The following FANK1 variants were observed in gnomAD, a reference collection of about 807,000 sequenced individuals.
FANK1 encodes the protein fibronectin type 3 and ankyrin repeat domains protein 1.
Under a neutral mutation model 45.3 loss-of-function variants are expected in FANK1, and 44 were observed. The observed-to-expected ratio is 0.97, with a 90% CI of 0.76 to 1.25. The LOEUF is 1.25. FANK1 is among the 50% of genes most tolerant of loss of function. The pLI is 0.00. For missense variants in FANK1, 391 were observed against 424.4 expected, an observed-to-expected ratio of 0.92 and a Z score of 0.69; for synonymous variants, 149 against 152.5, an observed-to-expected ratio of 0.98 and a Z score of 0.17.
At chr10:125,995,331 C>G in intron 3 of FANK1, 86 bp from the exon 4 acceptor site, 1 of 1,207,296 alleles carries the variant, frequency 8.3e-7, no homozygotes. Flanking sequence ...TGAAGATGAT[C>G]CCCTGAAGGC....
At chr10:125,905,987 C>T (rs1945474927) in intron 1 of FANK1, among the ~76,000 whole-genome samples, 1 of 152,312 alleles carries the variant, frequency 6.6e-6, no homozygotes, top group Admixed American at 6.5e-5. Context: ...TAATCAAATT[C>T]AGTGGAAAAA....
At position 126,009,224 on chromosome 10, in the gene FANK1, C is replaced by A. The variant is rs531535396; in HGVS notation, c.930C>A (p.Phe310Leu). The A allele has an allele frequency of 8.1e-6, 13 of 1,614,138 alleles. No individual in the cohort carries two copies. The highest frequency in any genetic ancestry group is 1.1e-5 in the Non-Finnish European group (13 of 1,180,034). Residue 310 changes from phenylalanine to leucine, a missense_variant and splice_region_variant, in exon 10 of 11, where the codon TTC (phenylalanine) becomes TTA (leucine). Coordinates refer to ENST00000368693, the MANE Select transcript of FANK1 (RefSeq NM_145235.5). The part of the protein sequence containing the change: ...KGADASVKNE[F>L]GKGVLEMARV... ...ATTTTTGTTGTTTCCTGTTTCAGTT[C>A]GGCAAAGGTGTCCTAGAAATGGCCA...
intron 9 of FANK1, 40 bp downstream of exon 9, chr10:126,009,171 G>C: frequency 1.9e-6 from 3 of 1,614,112 alleles, no homozygotes; most frequent in Admixed American, 1.7e-5. Context: ...TTCCTCGGAG[G>C]GGGAGAAAAC....
intron 1 of FANK1, among the ~76,000 whole-genome samples, chr10:125,925,265 T>C (rs540083409): frequency 7.2e-5 from 11 of 152,418 alleles, no homozygotes; most frequent in African/African-American, 2.6e-4. Flanking sequence ...TGGGTGCATA[T>C]GATTCAAAAA....
chr10:125,959,073 G>C (rs1949755810), intron 1 of FANK1, among the ~76,000 whole-genome samples: 1 of 152,240 alleles, frequency 6.6e-6, no homozygotes, highest in South Asian at 2.1e-4. Flanking sequence ...TATTTACAAT[G>C]TTCTTCGAGT....
chr10:125,909,854 G>A (rs1333058394), intron 1 of FANK1, among the ~76,000 whole-genome samples: 1 of 151,328 alleles, frequency 6.6e-6, no homozygotes, highest in African/African-American at 2.4e-5. Flanking sequence ...ACTTTGTTTT[G>A]TTTTCAAATA....
At chr10:126,008,205 G>A (rs1346666496) in intron 7 of FANK1, among the ~76,000 whole-genome samples, 4 of 152,188 alleles carry the variant, frequency 2.6e-5, no homozygotes, top group Non-Finnish European at 4.4e-5. Context: ...TTTAAAGGAT[G>A]TAGATGAAGA....
intron 1 of FANK1, among the ~76,000 whole-genome samples, chr10:125,919,872 TTCACCAAACAGTAGGTGTG>T (rs1946819940): frequency 6.6e-6 from 1 of 152,234 alleles, no homozygotes. Context: ...GATTCCTCGT[TTCACCAAACAGTAGGTGTG>T]TAACCTTCTT....
chr10:125,975,618 G>C (rs560962734), intron 1 of FANK1, among the ~76,000 whole-genome samples: 1 of 152,304 alleles, frequency 6.6e-6, no homozygotes, highest in African/African-American at 2.4e-5. Flanking sequence ...GTCTGTTTAT[G>C]TCTTTTGCTC....
intron 6 of FANK1, among the ~76,000 whole-genome samples, chr10:126,002,525 C>G (rs1235708797): frequency 1.3e-5 from 2 of 152,162 alleles, no homozygotes; most frequent in African/African-American, 4.8e-5. Flanking sequence ...TGAGGACATG[C>G]AGCTGCAGAG....
rs1279000399 is a variant in FANK1 at position 125,904,276 on chromosome 10, C to T, written c.13+7621C>T. On this transcript the variant is annotated intron_variant, in intron 1 of 10. Coordinates refer to ENST00000368693, the MANE Select transcript of FANK1 (RefSeq NM_145235.5). Reference sequence around the variant, plus strand: ...TTGTATACCTACTGTTTGAAAAACACGACTTACCAAACCAAACATAAGAAG... The same window carrying T: ...TTGTATACCTACTGTTTGAAAAACATGACTTACCAAACCAAACATAAGAAG... Among the ~76,000 whole-genome samples the T allele has an allele frequency of 7.4e-5, 4 of 53,908 alleles. No individual in the cohort carries two copies. In the South Asian group the frequency reaches 1.4e-3, roughly 19 times the overall value. The allele number at this position is 53,908 out of a possible 152,430, so 35.4% of individuals were successfully genotyped here.
intron 1 of FANK1, among the ~76,000 whole-genome samples, chr10:125,944,575 T>G (rs1317974477): frequency 6.6e-6 from 1 of 152,172 alleles, no homozygotes; most frequent in Non-Finnish European, 1.5e-5. Flanking sequence ...TGTAACATGT[T>G]CATAATGGCC....
At chr10:125,937,562 C>A (rs2134149442) in intron 1 of FANK1, among the ~76,000 whole-genome samples, 1 of 152,138 alleles carries the variant, frequency 6.6e-6, no homozygotes, top group East Asian at 1.9e-4. Context: ...ATGAAGGAGT[C>A]TGATGGAATA....
In FANK1 at chr10:125,903,805, CCTCT is replaced by C. The variant is rs1200669334; in HGVS notation, c.13+7159_13+7162del. Among the ~76,000 whole-genome samples, 3 of 151,608 alleles carry C rather than the reference CCTCT, an allele frequency of 2.0e-5. No homozygotes were observed. The East Asian group carries it at 5.8e-4, about 29-fold the overall frequency. ...TAGTGTATTACTCCTCTCTAGGCAG[CCTCT>C]CTCTCTCTATATATAAATATATATT... On this transcript the variant is annotated intron_variant, in intron 1 of 10. Coordinates refer to ENST00000368693, the MANE Select transcript of FANK1 (RefSeq NM_145235.5).
intron 4 of FANK1, 132 bp from the exon 5 acceptor site, chr10:125,996,418 A>G: frequency 1.4e-6 from 1 of 707,718 alleles, no homozygotes; most frequent in Non-Finnish European, 2.4e-6. Flanking sequence ...AAAAGATTTA[A>G]TGGCCACAAA....
chr10:126,000,261 A>G (rs751719857), intron 6 of FANK1, among the ~76,000 whole-genome samples: 1 of 152,224 alleles, frequency 6.6e-6, no homozygotes, highest in Non-Finnish European at 1.5e-5. Flanking sequence ...AATGATTGTA[A>G]TTTATCTAGA....
chr10:125,916,864 G>T (rs181320457), intron 1 of FANK1, among the ~76,000 whole-genome samples: 83 of 152,304 alleles, frequency 5.4e-4, no homozygotes, highest in African/African-American at 1.9e-3. Context: ...CTCTGACGCA[G>T]GTCACAAGGC....
intron 1 of FANK1, among the ~76,000 whole-genome samples, chr10:125,946,836 G>A (rs1302811379): frequency 7.2e-6 from 1 of 138,944 alleles, no homozygotes; most frequent in Non-Finnish European, 1.5e-5. Context: ...CAAAGTTGAA[G>A]GAAAAAATGT....
chr10:125,989,157 C>A, intron 3 of FANK1: 1 of 805,724 alleles, frequency 1.2e-6, no homozygotes, highest in Non-Finnish European at 2.0e-6. Context: ...CTGCTGCATC[C>A]ACGGAGAATC....
Sources: gnomAD v4.1 joint callset for allele counts (sites outside exome capture counted in the v4.1 genomes callset) on GRCh38, gnomAD v4.1.1 for gene constraint, MANE v1.5 for transcripts, NCBI Gene and HGNC (gene_info 2026-07-23, HGNC 2026-07-21) for gene names.